The following SRSF9 variants were observed in gnomAD, a reference collection of about 807,000 sequenced individuals.
SRSF9 encodes serine/arginine-rich splicing factor 9.
SRSF9 carries 3 observed loss-of-function variants against 25.9 expected under a neutral mutation model. The observed-to-expected ratio is 0.12, with a 90% CI of 0.05 to 0.30. The LOEUF is 0.30. Ranked by LOEUF, SRSF9 falls within the 10% of genes least tolerant of loss-of-function variation. The probability of loss-of-function intolerance (pLI) is 1.00; values close to 1 mark genes in which losing one functional copy is unlikely to be tolerated. For missense variants in SRSF9, 161 were observed against 303.5 expected, an observed-to-expected ratio of 0.53 and a Z score of 3.49; for synonymous variants, 114 against 113.2, an observed-to-expected ratio of 1.01 and a Z score of -0.05.
At chr12:120,469,071 C>G (rs1878564572) in intron 1 of SRSF9, among the ~76,000 whole-genome samples, 1 of 152,146 alleles carries the variant, frequency 6.6e-6, no homozygotes, top group Non-Finnish European at 1.5e-5. Flanking sequence ...CGCGCTGCCC[C>G]GCGGCCGCTT....
intron 2 of SRSF9, 44 bp downstream of exon 2, chr12:120,465,583 A>C: frequency 6.5e-7 from 1 of 1,534,450 alleles, no homozygotes; most frequent in Non-Finnish European, 8.7e-7. Context: ...CTCTGTGTTA[A>C]GTATTTTACA....
At chr12:120,463,298 T>C (rs1037904535) in intron 3 of SRSF9, 5 of 152,160 alleles carry the variant, frequency 3.3e-5, no homozygotes, top group African/African-American at 9.7e-5. Flanking sequence ...CCTGGCACAG[T>C]GGTGCATGCC....
At chr12:120,465,833 G>A in intron 1 of SRSF9, 46 bp from the exon 2 acceptor site, 2 of 1,538,080 alleles carry the variant, frequency 1.3e-6, no homozygotes, top group East Asian at 2.4e-5. Context: ...AGTTAGTGCT[G>A]TTCAGGAGGC....
At chr12:120,469,370 G>C in intron 1 of SRSF9, 52 bp downstream of exon 1, 1 of 1,471,486 alleles carries the variant, frequency 6.8e-7, no homozygotes, top group Non-Finnish European at 9.1e-7. Flanking sequence ...CAGCAGGGAA[G>C]GCGGGGGCCT....
At position 120,469,487 on chromosome 12, in the gene SRSF9, G is replaced by A. The variant is rs1475175469; in HGVS notation, c.123C>T (p.Arg41=). The change falls in exon 1 of 4, where the codon CGC becomes CGT. Residue 41 remains arginine, a synonymous_variant. Transcript: ENST00000229390. ...CGTGCCGGTTCTTGAGCTCGATCTC[G>A]CGGATGCGGCCGTACTTGTAGAACA... ...EDLFYKYGRI[R]EIELKNRHGL... is the part of the protein sequence containing the mutation. 6.2e-7 allele frequency: 1 copy of A among 1,602,312 alleles called. No homozygotes were observed. The highest frequency in any genetic ancestry group is 1.1e-5 in the South Asian group (1 of 89,502).
intron 1 of SRSF9, among the ~76,000 whole-genome samples, chr12:120,466,544 T>TC (rs1878485943): frequency 6.8e-6 from 1 of 146,256 alleles, no homozygotes; most frequent in Non-Finnish European, 1.5e-5. Context: ...ATGTGGAACT[T>TC]TTTTTTTTTT....
chr12:120,468,153 G>A (rs1240218698), intron 1 of SRSF9, among the ~76,000 whole-genome samples: 2 of 143,862 alleles, frequency 1.4e-5, no homozygotes, highest in African/African-American at 5.2e-5. Flanking sequence ...CTAAATACAG[G>A]CTGGGCGGGT....
Position 120,461,764 on chromosome 12 carries a change from G to C in SRSF9, c.*255C>G, listed in dbSNP as rs899313320. 3 of 330,684 alleles carry C rather than the reference G, an allele frequency of 9.1e-6. No homozygotes were observed. Among genetic ancestry groups the C allele is most frequent in the Non-Finnish European group, 1.6e-5 (3 of 182,752 alleles). The allele number at this position is 330,684 out of a possible 1,614,324, so 20.5% of individuals were successfully genotyped here. A position where few individuals can be genotyped will look rare whatever the true frequency, so the allele number is the denominator to read the frequency against. ...CATAGTAGAGCAACCCACAAAGACA[G>C]AACTGATTTTTTTCCCATAATCAGG... On this transcript the variant is annotated 3_prime_UTR_variant, in exon 4 of 4. Transcript: ENST00000229390.
intron 1 of SRSF9, among the ~76,000 whole-genome samples, chr12:120,467,923 C>CA (rs1878518120): frequency 1.6e-5 from 2 of 128,292 alleles, no homozygotes; most frequent in Admixed American, 8.1e-5. Context: ...GGAGAAACCC[C>CA]GTATCTGCTG....
At position 120,462,048 on chromosome 12, in the gene SRSF9, G is replaced by A; in HGVS notation, c.637C>T (p.His213Tyr). The A allele has an allele frequency of 1.2e-6, 2 of 1,611,916 alleles. No homozygotes were observed. The highest frequency in any genetic ancestry group is 1.1e-5 in the South Asian group (1 of 90,964). ...TAGGGCCTGAAAGGAGAGAAGTAGTGTGGGGAACCCCTGCTTTGGTATGGA... is the reference window on the plus strand; with the variant it reads ...TAGGGCCTGAAAGGAGAGAAGTAGTATGGGGAACCCCTGCTTTGGTATGGA... ...DSPYQSRGSP[H>Y]YFSPFRPY Residue 213 changes from histidine to tyrosine, a missense_variant, in exon 4 of 4, where the codon CAC becomes TAC. This residue lies in a region of SRSF9 where 21 missense variants were observed against 20.1 expected (regional missense o/e 1.05). Transcript: ENST00000229390.
intron 1 of SRSF9, among the ~76,000 whole-genome samples, chr12:120,467,451 A>C (rs187191697): frequency 9.9e-5 from 15 of 151,872 alleles, no homozygotes; most frequent in Admixed American, 9.8e-4. Context: ...CAGTGAGCTG[A>C]GACTGTGCCG....
intron 2 of SRSF9, chr12:120,465,378 C>T: frequency 6.1e-6 from 2 of 330,250 alleles, no homozygotes; most frequent in Admixed American, 5.0e-5. Context: ...CATCATCTTT[C>T]CTTCTCACCA....
At chr12:120,463,623 T>A (rs1238990006) in intron 3 of SRSF9, 2 of 185,210 alleles carry the variant, frequency 1.1e-5, no homozygotes, top group Admixed American at 5.7e-5. Context: ...ATACTGCCAT[T>A]TAAGCTGGTT....
intron 1 of SRSF9, among the ~76,000 whole-genome samples, chr12:120,468,717 A>C (rs190472286): frequency 6.6e-6 from 1 of 152,166 alleles, no homozygotes; most frequent in Non-Finnish European, 1.5e-5. Context: ...TTCCGGCCTG[A>C]GGGCCGACGC....
At chr12:120,462,339 TC>T in intron 3 of SRSF9, 177 bp from the exon 4 acceptor site, 1 of 547,832 alleles carries the variant, frequency 1.8e-6, no homozygotes, top group Non-Finnish European at 3.0e-6. Flanking sequence ...ACTCTTACTA[TC>T]CCATTTCAAG....
intron 2 of SRSF9, chr12:120,465,401 T>C (rs1233194598): frequency 3.8e-5 from 15 of 391,956 alleles, no homozygotes; most frequent in Non-Finnish European, 6.2e-5. Flanking sequence ...AGAAAACTCC[T>C]TTACAAGAAA....
intron 3 of SRSF9, 113 bp from the exon 4 acceptor site, chr12:120,462,275 C>T: frequency 8.8e-7 from 1 of 1,142,704 alleles, no homozygotes; most frequent in East Asian, 2.7e-5. Context: ...ACTGTGTACT[C>T]TGTGCCTGGC....
rs763511362 is a variant in SRSF9, at chr12:120,462,058, C to G, written c.627G>C (p.Arg209Ser). The G allele has an allele frequency of 3.4e-5, 55 of 1,611,412 alleles. No homozygotes were observed. Among genetic ancestry groups the G allele is most frequent in the Non-Finnish European group, 4.5e-5 (53 of 1,179,666 alleles). ...SRGRDSPYQS[R>S]GSPHYFSPFR... is the part of the protein sequence containing the mutation. Reference sequence around the variant, plus strand: ...AAGGAGAGAAGTAGTGTGGGGAACCCCTGCTTTGGTATGGAGAGTCACGGC... The same window carrying G: ...AAGGAGAGAAGTAGTGTGGGGAACCGCTGCTTTGGTATGGAGAGTCACGGC... The change falls in exon 4 of 4, where the codon AGG becomes AGC. Residue 209 changes from arginine to serine, a missense_variant. Arg to Ser is a moderately radical substitution (Grantham distance 110). Coordinates refer to ENST00000229390, the MANE Select transcript of SRSF9 (RefSeq NM_003769.3).
chr12:120,467,194 G>C (rs939904982), intron 1 of SRSF9, among the ~76,000 whole-genome samples: 1 of 67,632 alleles, frequency 1.5e-5, no homozygotes, highest in African/African-American at 1.5e-4. Context: ...TAGGAGGTCA[G>C]AACAACTCTG....
Sources: gnomAD v4.1 joint callset for allele counts (sites outside exome capture counted in the v4.1 genomes callset) on GRCh38, gnomAD v4.1.1 for gene constraint, gnomAD v4.1.1 regional missense constraint, MANE v1.5 for transcripts, NCBI Gene and HGNC (gene_info 2026-07-23, HGNC 2026-07-21) for gene names.